Variants in TGFBR1 observed in about 807,000 individuals in gnomAD.
TGFBR1 encodes transforming growth factor beta receptor 1.
In TGFBR1, 20 loss-of-function variants were observed where a neutral mutation model predicts 55.1. The ratio of observed to expected loss-of-function variants is 0.36; its 90% CI spans 0.26 to 0.53. The LOEUF (loss-of-function observed/expected upper bound fraction) is 0.53, where lower values mean the gene tolerates loss of function less well. TGFBR1 is among the 20% of genes least tolerant of loss of function. The pLI is 0.91. For synonymous variants in TGFBR1, 220 were observed against 214.8 expected (o/e 1.02, Z -0.21); for missense variants, 385 against 617.6 (o/e 0.62, Z 3.99).
chr9:99,121,155 G>C (rs573832155), intron 1 of TGFBR1, among the ~76,000 whole-genome samples: 1 of 152,244 alleles, frequency 6.6e-6, no homozygotes, highest in African/African-American at 2.4e-5. Context: ...AAAATCAGGC[G>C]TTTATTCTGA....
chr9:99,115,655 A>T (rs1031186397), intron 1 of TGFBR1, among the ~76,000 whole-genome samples: 3 of 152,154 alleles, frequency 2.0e-5, no homozygotes, highest in East Asian at 3.8e-4. Flanking sequence ...TCAAACTATA[A>T]TGTGCTCTAA....
chr9:99,104,767 G>T (rs1826347992), upstream of TGFBR1, among the ~76,000 whole-genome samples: 1 of 152,142 alleles, frequency 6.6e-6, no homozygotes, highest in Non-Finnish European at 1.5e-5. Context: ...GCCTTTTTCC[G>T]AAAGAGACTC....
rs1827262762 is a variant in TGFBR1 at position 99,132,419 on chromosome 9, A to G, written c.344-90A>G. On this transcript the variant is annotated intron_variant, in intron 2 of 8. Transcript: ENST00000374994. ...CTAAGTGGTGGCAGTGGCCAGCTGC[A>G]GGAATTGTGTAGGATTGGGAAAATG... 3.2e-6 allele frequency: 5 copies of G among 1,580,084 alleles called. No individual in the cohort carries two copies. The Admixed American group carries it at 5.3e-5, about 17-fold the overall frequency.
At chr9:99,110,784 G>A (rs1826543289) in intron 1 of TGFBR1, among the ~76,000 whole-genome samples, 1 of 152,186 alleles carries the variant, frequency 6.6e-6, no homozygotes, top group South Asian at 2.1e-4. Flanking sequence ...TATGAAAGAA[G>A]ACCCTCTTTG....
chr9:99,130,470 A>G (rs1319419985), intron 2 of TGFBR1, among the ~76,000 whole-genome samples: 2 of 152,258 alleles, frequency 1.3e-5, no homozygotes, highest in South Asian at 2.1e-4. Flanking sequence ...TCGGACTACA[A>G]TATCTTTGTG....
chr9:99,105,386 A>G (rs1826378961), intron 1 of TGFBR1, 84 bp downstream of exon 1: 2 of 904,326 alleles, frequency 2.2e-6, no homozygotes, highest in Non-Finnish European at 1.3e-6. Flanking sequence ...TTTCTCAAAC[A>G]TGGCGCGGGG....
intron 4 of TGFBR1, among the ~76,000 whole-genome samples, chr9:99,139,121 C>T (rs1339450599): frequency 6.6e-6 from 1 of 151,784 alleles, no homozygotes; most frequent in African/African-American, 2.4e-5. Flanking sequence ...TTTACTGCCT[C>T]TGTCAGAGAC....
chr9:99,130,660 G>A (rs1241156243), intron 2 of TGFBR1, among the ~76,000 whole-genome samples: 1 of 152,124 alleles, frequency 6.6e-6, no homozygotes, highest in Non-Finnish European at 1.5e-5. Flanking sequence ...CCAGCTCTAG[G>A]ATAAGCAAAC....
intron 3 of TGFBR1, 48 bp from the exon 4 acceptor site, chr9:99,137,811 C>A (rs1827481584): frequency 6.7e-7 from 1 of 1,498,286 alleles, no homozygotes; most frequent in Non-Finnish European, 9.3e-7. Flanking sequence ...ATGTTTGAAA[C>A]ATGTAATATT....
At chr9:99,107,708 A>G (rs949323203) in intron 1 of TGFBR1, among the ~76,000 whole-genome samples, 3 of 152,150 alleles carry the variant, frequency 2.0e-5, no homozygotes, top group Non-Finnish European at 4.4e-5. Flanking sequence ...TCCCATTTGT[A>G]TTCAGCACTT....
At chr9:99,130,726 T>A (rs561041137) in intron 2 of TGFBR1, among the ~76,000 whole-genome samples, 1 of 152,144 alleles carries the variant, frequency 6.6e-6, no homozygotes. Flanking sequence ...CTGAACTAGA[T>A]AGATTAGATG....
intron 2 of TGFBR1, among the ~76,000 whole-genome samples, chr9:99,129,897 TA>T (rs1050579659): frequency 6.8e-5 from 10 of 148,030 alleles, no homozygotes; most frequent in South Asian, 2.1e-4. Flanking sequence ...AGGCTCTGTC[TA>T]AAAAAAAAAG....
intron 1 of TGFBR1, among the ~76,000 whole-genome samples, chr9:99,121,380 A>T (rs1826894134): frequency 1.3e-5 from 2 of 152,204 alleles, no homozygotes; most frequent in South Asian, 4.1e-4. Flanking sequence ...ATGTATACAG[A>T]GATAAGCAAC....
intron 3 of TGFBR1, among the ~76,000 whole-genome samples, chr9:99,133,600 G>A (rs11466463): frequency 1.1e-3 from 166 of 152,296 alleles, no homozygotes; most frequent in African/African-American, 3.9e-3. Context: ...TTGATTGGCT[G>A]TATAACCTTG....
chr9:99,108,656 C>G (rs1026800633), intron 1 of TGFBR1, among the ~76,000 whole-genome samples: 2 of 152,084 alleles, frequency 1.3e-5, no homozygotes, highest in African/African-American at 4.8e-5. Context: ...GTTGTGTCCC[C>G]AACTGTCCTG....
intron 1 of TGFBR1, among the ~76,000 whole-genome samples, chr9:99,117,531 A>G (rs536987661): frequency 6.6e-6 from 1 of 152,250 alleles, no homozygotes; most frequent in South Asian, 2.1e-4. Flanking sequence ...GGAGTTGGTT[A>G]TTTATTATGG....
chr9:99,138,815 T>C (rs930247128), intron 4 of TGFBR1, among the ~76,000 whole-genome samples: 14 of 152,086 alleles, frequency 9.2e-5, no homozygotes, highest in African/African-American at 3.4e-4. Flanking sequence ...TTTTTTTTTT[T>C]TGAGATGGAA....
intron 5 of TGFBR1, among the ~76,000 whole-genome samples, chr9:99,144,082 A>G (rs1827716097): frequency 6.6e-6 from 1 of 152,156 alleles, no homozygotes; most frequent in South Asian, 2.1e-4. Flanking sequence ...TGGCCATTGT[A>G]GCTAATGCTG....
intron 1 of TGFBR1, among the ~76,000 whole-genome samples, chr9:99,126,197 T>C (rs1827036042): frequency 6.6e-6 from 1 of 152,140 alleles, no homozygotes; most frequent in Non-Finnish European, 1.5e-5. Flanking sequence ...ATTATTATAA[T>C]GGTGAGAGGT....
Sources: gnomAD v4.1 joint callset for allele counts (sites outside exome capture counted in the v4.1 genomes callset) on GRCh38, gnomAD v4.1.1 for gene constraint, MANE v1.5 for transcripts, NCBI Gene and HGNC (gene_info 2026-07-23, HGNC 2026-07-21) for gene names.